E2F1: variants seen among roughly 807,000 people sequenced by gnomAD.
The protein encoded by E2F1 is transcription factor E2F1.
A neutral mutation model predicts 36.9 loss-of-function variants in E2F1; 7 were observed. The ratio of observed to expected loss-of-function variants is 0.19; its 90% CI spans 0.11 to 0.36. The LOEUF (loss-of-function observed/expected upper bound fraction) is 0.36. E2F1 is among the 10% of genes least tolerant of loss of function. The probability of loss-of-function intolerance (pLI) is 1.00; values close to 1 mark genes in which losing one functional copy is unlikely to be tolerated. For missense variants in E2F1, 406 were observed against 573.6 expected (o/e 0.71, Z 2.99); for synonymous variants, 261 against 263.1 (o/e 0.99, Z 0.08).
At chr20:33,682,052 A>C (rs1238901163) in intron 1 of E2F1, among the ~76,000 whole-genome samples, 2 of 136,574 alleles carry the variant, frequency 1.5e-5, no homozygotes, top group South Asian at 5.1e-4. Context: ...ATCAGCTAGG[A>C]GGTGTCACCT....
At chr20:33,678,093 A>C (rs1287775036) in intron 4 of E2F1, 108 bp downstream of exon 4, 5 of 1,372,184 alleles carry the variant, frequency 3.6e-6, no homozygotes, top group Middle Eastern at 2.4e-4. Context: ...CAGGACTTGC[A>C]ACCAAAATCA....
At chr20:33,684,495 C>A (rs987897656) in intron 1 of E2F1, among the ~76,000 whole-genome samples, 10 of 152,124 alleles carry the variant, frequency 6.6e-5, no homozygotes, top group African/African-American at 1.9e-4. Flanking sequence ...AGCAAGGCAT[C>A]CCAGAGGTCA....
In E2F1 at chr20:33,679,240, G is replaced by C. The variant is rs1050219897; in HGVS notation, c.572+515C>G. Among the ~76,000 whole-genome samples the C allele has an allele frequency of 1.1e-4, 16 of 152,228 alleles. No homozygotes were observed. The highest frequency in any genetic ancestry group is 3.6e-4 in the African/African-American group (15 of 41,460). ...TCTTGATCTGAATGGTGGCAACCCA[G>C]ATGAATAAATATATAAAGCTGCGCG... On this transcript the variant is annotated intron_variant, in intron 3 of 6. Transcript: ENST00000343380. The surrounding 1 kb of genome is among the most constrained non-coding windows in gnomAD (Gnocchi z 4.6).
Position 33,677,058 on chromosome 20 carries a change from C to A in E2F1, c.1066+47G>T, listed in dbSNP as rs1304694716. On this transcript the variant is annotated intron_variant, in intron 6 of 6. Transcript: ENST00000343380. ...AGGGGCTGTCGTGCCTGCCCACCCC[C>A]CAGAAGAGGGGCCCTGCCCCACCCC... The A allele has an allele frequency of 5.7e-6, 9 of 1,578,210 alleles. No individual in the cohort carries two copies. In the East Asian group the frequency reaches 1.8e-4, roughly 32 times the overall value.
chr20:33,681,397 T>G (rs2018015937), intron 1 of E2F1, among the ~76,000 whole-genome samples: 1 of 152,232 alleles, frequency 6.6e-6, no homozygotes, highest in African/African-American at 2.4e-5. Flanking sequence ...TTTTGACTAA[T>G]CTATACGCAT....
intron 1 of E2F1, among the ~76,000 whole-genome samples, chr20:33,683,177 G>A (rs1462347551): frequency 1.3e-5 from 2 of 152,168 alleles, no homozygotes; most frequent in East Asian, 1.9e-4. Flanking sequence ...TTGGCCAGGC[G>A]CAGTGGCTCA....
rs2018066836 is a variant in E2F1, at chr20:33,686,114, G to A, written c.151C>T (p.Pro51Ser). The change falls in exon 1 of 7, where the codon CCC (proline) becomes TCC (serine). Residue 51 changes from proline (P) to serine (S), a missense_variant. Coordinates refer to ENST00000343380, the MANE Select transcript of E2F1 (RefSeq NM_005225.3). The part of the protein sequence containing the change: ...DASAPPAPTG[P>S]AAPAAGPCDP... ...CAGGGGCCGGCGGCGGGCGCCGCGG[G>A]GCCGGTGGGAGCCGGCGGGGCGCTG... The A allele has an allele frequency of 9.3e-7, 1 of 1,072,794 alleles. No individual in the cohort carries two copies. The highest frequency in any genetic ancestry group is 1.1e-6 in the Non-Finnish European group (1 of 888,614). The allele number at this position is 1,072,794 out of a possible 1,614,324, so 66.5% of individuals were successfully genotyped here.
In E2F1 at chr20:33,676,501, G is replaced by A. The variant is rs3746458; in HGVS notation, c.*231C>T. On this transcript the variant is annotated 3_prime_UTR_variant, in exon 7 of 7. Coordinates refer to ENST00000343380, the MANE Select transcript of E2F1 (RefSeq NM_005225.3). Reference sequence around the variant, plus strand: ...ACACACATTCACCCCCGGTACACACGTGTGGGTGTAGGCTGCATGCACATA... The same window carrying A: ...ACACACATTCACCCCCGGTACACACATGTGGGTGTAGGCTGCATGCACATA... The A allele has an allele frequency of 6.5e-5, 35 of 538,642 alleles. No individual in the cohort carries two copies. The highest frequency in any genetic ancestry group is 5.1e-4 in the East Asian group (16 of 31,568). The allele number at this position is 538,642 out of a possible 1,614,324, so 33.4% of individuals were successfully genotyped here. A position where few individuals can be genotyped will look rare whatever the true frequency, so the allele number is the denominator to read the frequency against.
chr20:33,679,003 T>C lies in E2F1; in HGVS notation c.573-650A>G, dbSNP rs2017993581. On this transcript the variant is annotated intron_variant, in intron 3 of 6. Transcript: ENST00000343380. This position sits in a 1 kb window ranked among gnomAD's most constrained non-coding sequence, Gnocchi z 4.6. ...CAGAATGGAACGATCTACCAAAAAA[T>C]GAAACGGCAGGTGTATCAAAGAAAG... Among the ~76,000 whole-genome samples the C allele has an allele frequency of 6.6e-6, 1 of 152,056 alleles. No homozygotes were observed. The highest frequency in any genetic ancestry group is 6.5e-5 in the Admixed American group (1 of 15,274).
At chr20:33,677,043 G>A (rs1473288702) in intron 6 of E2F1, 62 bp downstream of exon 6, 34 of 1,563,148 alleles carry the variant, frequency 2.2e-5, no homozygotes, top group Admixed American at 3.6e-5. Flanking sequence ...AGGGGCTGTC[G>A]TGCCTGCCCA....
At chr20:33,685,898 A>C (rs1447017353) in intron 1 of E2F1, 106 bp downstream of exon 1, 1 of 1,004,940 alleles carries the variant, frequency 1.0e-6, no homozygotes, top group African/African-American at 1.8e-5. Flanking sequence ...GCCTCAGTCA[A>C]CCCCTCCCCC....
intron 2 of E2F1, 50 bp from the exon 3 acceptor site, chr20:33,680,024 C>A: frequency 1.4e-6 from 2 of 1,447,418 alleles, no homozygotes; most frequent in Non-Finnish European, 9.5e-7. Context: ...TCCACCCCCA[C>A]CTCCAGCCAG....
intron 1 of E2F1, among the ~76,000 whole-genome samples, chr20:33,685,278 G>C (rs1253482081): frequency 6.6e-6 from 1 of 152,078 alleles, no homozygotes; most frequent in Non-Finnish European, 1.5e-5. Context: ...GTGGCAGATG[G>C]AAGGACAGGC....
chr20:33,677,511 C>T lies in E2F1; in HGVS notation c.755G>A (p.Arg252His), dbSNP rs3213172. The T allele has an allele frequency of 9.9e-6, 16 of 1,613,926 alleles. 1 individual carries two copies. Among genetic ancestry groups the T allele is most frequent in the South Asian group, 4.4e-5 (4 of 91,076 alleles). ...CTGCTCTGCAGGGTCTGCAATGCTA[C>T]GAAGGTCCTGACACGTCACGTAGGC... ...RLAYVTCQDL[R>H]SIADPAEQMV... The change falls in exon 5 of 7, where the codon CGT becomes CAT. Residue 252 changes from arginine to histidine, a missense_variant. Coordinates refer to ENST00000343380, the MANE Select transcript of E2F1 (RefSeq NM_005225.3).
chr20:33,681,635 TCA>T (rs1433136210), intron 1 of E2F1, among the ~76,000 whole-genome samples: 1 of 152,128 alleles, frequency 6.6e-6, no homozygotes, highest in African/African-American at 2.4e-5. Flanking sequence ...CCTGGAGGTC[TCA>T]CAGGCTGCTC....
chr20:33,682,798 C>G (rs1348580501), intron 1 of E2F1, among the ~76,000 whole-genome samples: 1 of 152,208 alleles, frequency 6.6e-6, no homozygotes, highest in East Asian at 1.9e-4. Context: ...CCCTTGAACA[C>G]CACGCAGCTG....
At position 33,676,427 on chromosome 20, in the gene E2F1, G is replaced by C. The variant is rs1005302496; in HGVS notation, c.*305C>G. The C allele has an allele frequency of 2.4e-5, 8 of 328,858 alleles. No individual in the cohort carries two copies. The highest frequency in any genetic ancestry group is 1.1e-4 in the South Asian group (2 of 18,984). The allele number at this position is 328,858 out of a possible 1,614,324, so 20.4% of individuals were successfully genotyped here. A position where few individuals can be genotyped will look rare whatever the true frequency, so the allele number is the denominator to read the frequency against. Reference sequence around the variant, plus strand: ...GGGGCGTGTCTGCAGTGCACACACAGAGGTGTATGTTCACCTTCATTCCCC... The same window carrying C: ...GGGGCGTGTCTGCAGTGCACACACACAGGTGTATGTTCACCTTCATTCCCC... On this transcript the variant is annotated 3_prime_UTR_variant, in exon 7 of 7. Transcript: ENST00000343380.
rs1207676792 is a variant in E2F1 at position 33,677,098 on chromosome 20, C to T, written c.1066+7G>A. On this transcript the variant is annotated splice_region_variant and intron_variant, in intron 6 of 6. Transcript: ENST00000343380. ...TGCCCCACCCCACCCACCTACCCAT[C>T]ACCCACCTTGCTCCAGGCTGAGTAG... 3.8e-6 allele frequency: 5 copies of T among 1,331,566 alleles called. No individual in the cohort carries two copies. In the South Asian group the frequency reaches 5.9e-5, roughly 16 times the overall value. 82.5% of individuals were successfully genotyped at this position (1,331,566 alleles called of 1,614,324 possible).
Position 33,679,962 on chromosome 20 carries a change from G to A in E2F1, c.365C>T (p.Pro122Leu), listed in dbSNP as rs200324089. The change falls in exon 3 of 7, where the codon CCG becomes CTG. Residue 122 changes from proline to leucine, a missense_variant. Pro to Leu is a moderately conservative substitution (Grantham distance 98). Around this residue, in one of 5 missense-constraint regions of E2F1, gnomAD observed 77 missense variants for 131.7 expected, o/e 0.58. Coordinates refer to ENST00000343380, the MANE Select transcript of E2F1 (RefSeq NM_005225.3). The surrounding 1 kb of genome is among the most constrained non-coding windows in gnomAD (Gnocchi z 4.6). The part of the protein sequence containing the change: ...GRHPGKGVKS[P>L]GEKSRYETSL... ...GGTCTCATAGCGTGACTTCTCCCCC[G>A]GGGATTTCACACCTGTGGGGGTGTG... is the stretch of plus-strand genomic sequence containing the variant. 38 of 1,613,458 alleles carry A rather than the reference G, an allele frequency of 2.4e-5. No individual in the cohort carries two copies. Among genetic ancestry groups the A allele is most frequent in the African/African-American group, 1.1e-4 (8 of 74,934 alleles).
Sources: gnomAD v4.1 joint callset for allele counts (sites outside exome capture counted in the v4.1 genomes callset) on GRCh38, gnomAD v4.1.1 for gene constraint, gnomAD v4.1.1 regional missense constraint, Gnocchi (gnomAD v3.1) non-coding constraint, MANE v1.5 for transcripts, NCBI Gene and HGNC (gene_info 2026-07-23, HGNC 2026-07-21) for gene names.